Variants in SPIN1 observed in about 807,000 individuals in gnomAD.
SPIN1 encodes the protein spindlin-1.
In SPIN1, 3 loss-of-function variants were observed where a neutral mutation model predicts 26.0. That is an observed-to-expected ratio of 0.12 (90% CI 0.05 to 0.30). SPIN1 has a LOEUF of 0.30. SPIN1 is among the 10% of genes least tolerant of loss of function. SPIN1 has a pLI of 1.00. For missense variants in SPIN1, 126 were observed against 333.4 expected (o/e 0.38, Z 4.84); for synonymous variants, 101 against 116.5 (o/e 0.87, Z 0.86).
At chr9:88,420,147 G>A (rs1241112579) in intron 1 of SPIN1, among the ~76,000 whole-genome samples, 22 of 152,220 alleles carry the variant, frequency 1.4e-4, no homozygotes, top group African/African-American at 4.6e-4. Context: ...AGGCCGAGGC[G>A]GGTGGATCAC....
intron 1 of SPIN1, among the ~76,000 whole-genome samples, chr9:88,400,755 G>T (rs1827168173): frequency 6.6e-6 from 1 of 151,790 alleles, no homozygotes; most frequent in African/African-American, 2.4e-5. Context: ...TGAGGCAGGA[G>T]AATCGCTTGA....
intron 1 of SPIN1, among the ~76,000 whole-genome samples, chr9:88,407,135 TAAAAA>T (rs397893590): frequency 8.1e-6 from 1 of 122,754 alleles, no homozygotes; most frequent in African/African-American, 3.2e-5. Context: ...GATCTTCCTT[TAAAAA>T]AAAAAAAAAA....
At chr9:88,448,138 G>A (rs1325804262) in intron 2 of SPIN1, among the ~76,000 whole-genome samples, 1 of 151,756 alleles carries the variant, frequency 6.6e-6, no homozygotes, top group Non-Finnish European at 1.5e-5. Flanking sequence ...CCACCTCCTG[G>A]GTTTAAGCGA....
At chr9:88,412,332 A>G (rs775100163) in intron 1 of SPIN1, among the ~76,000 whole-genome samples, 1 of 152,150 alleles carries the variant, frequency 6.6e-6, no homozygotes, top group Non-Finnish European at 1.5e-5. Context: ...CTGGTTTCTG[A>G]TAGTTTTTAC....
At chr9:88,411,998 C>G (rs546891378) in intron 1 of SPIN1, among the ~76,000 whole-genome samples, 1 of 150,128 alleles carries the variant, frequency 6.7e-6, no homozygotes, top group Non-Finnish European at 1.5e-5. Context: ...GGTGAAACCC[C>G]GTCTCTACTA....
intron 1 of SPIN1, among the ~76,000 whole-genome samples, chr9:88,421,449 A>C (rs554009572): frequency 1.3e-5 from 2 of 151,904 alleles, no homozygotes; most frequent in Non-Finnish European, 2.9e-5. Flanking sequence ...AGCTGGTACT[A>C]CAGATGTGCA....
Position 88,475,410 on chromosome 9 carries a change from G to A in SPIN1, c.*133G>A. On this transcript the variant is annotated 3_prime_UTR_variant, in exon 6 of 6. Coordinates refer to ENST00000375859, the MANE Select transcript of SPIN1 (RefSeq NM_006717.3). The stretch of plus-strand genomic sequence containing the variant: ...ACCCACAATCTCTGCCAGCAGAACT[G>A]GTTTTGTTCTGAATAGTACAGATTG... 1.1e-6 allele frequency: 1 copy of A among 906,970 alleles called. No individual in the cohort carries two copies. Among genetic ancestry groups the A allele is most frequent in the South Asian group, 1.7e-5 (1 of 58,168 alleles). 56.2% of individuals were successfully genotyped at this position (906,970 alleles called of 1,614,324 possible).
intron 3 of SPIN1, among the ~76,000 whole-genome samples, chr9:88,455,805 C>G (rs1828458378): frequency 6.6e-6 from 1 of 152,124 alleles, no homozygotes; most frequent in African/African-American, 2.4e-5. Flanking sequence ...TAGTGAGACC[C>G]TGTCTGTACA....
At chr9:88,389,329 G>T (rs548742197) in intron 1 of SPIN1, 11 of 152,354 alleles carry the variant, frequency 7.2e-5, no homozygotes, top group African/African-American at 2.6e-4. Flanking sequence ...CGAATTGTGC[G>T]ATGCGGGAAC....
chr9:88,449,848 A>G (rs1041607574), intron 3 of SPIN1, among the ~76,000 whole-genome samples: 1 of 152,052 alleles, frequency 6.6e-6, no homozygotes. Context: ...TTTTCCCCCA[A>G]AATATTTATA....
intron 1 of SPIN1, among the ~76,000 whole-genome samples, chr9:88,408,544 T>G (rs1041939750): frequency 4.6e-5 from 7 of 151,588 alleles, no homozygotes; most frequent in African/African-American, 1.7e-4. Context: ...GCCTCATTCA[T>G]TTTTGTATTT....
intron 1 of SPIN1, among the ~76,000 whole-genome samples, chr9:88,403,668 C>T (rs1412008912): frequency 6.6e-6 from 1 of 152,146 alleles, no homozygotes; most frequent in Admixed American, 6.6e-5. Context: ...GAACCCTGAT[C>T]ATACCGCTGC....
chr9:88,414,022 T>G (rs1188565189), intron 1 of SPIN1, among the ~76,000 whole-genome samples: 3 of 131,488 alleles, frequency 2.3e-5, no homozygotes, highest in Non-Finnish European at 3.0e-5. Context: ...ACTTATAGTT[T>G]ATTATAGCAA....
At chr9:88,427,308 T>C (rs1303444980) in intron 2 of SPIN1, among the ~76,000 whole-genome samples, 1 of 152,302 alleles carries the variant, frequency 6.6e-6, no homozygotes, top group East Asian at 1.9e-4. Context: ...CAATTTCTTC[T>C]ATTTATTTAC....
intron 2 of SPIN1, among the ~76,000 whole-genome samples, chr9:88,438,736 A>C (rs1587799095): frequency 6.6e-6 from 1 of 152,220 alleles, no homozygotes; most frequent in African/African-American, 2.4e-5. Context: ...CCTAATATCC[A>C]AAATACTTCA....
Position 88,398,575 on chromosome 9 carries a change from CTTTTA to C in SPIN1, c.-159+10041_-159+10045del, listed in dbSNP as rs918288490. On this transcript the variant is annotated intron_variant, in intron 1 of 5. Transcript: ENST00000375859. ...TGATTATTAAGTAACAATTTGTTGA[CTTTTA>C]TTTATTTATTTTGAGACAGAGTTTC... Among the ~76,000 whole-genome samples, 9 of 151,934 alleles carry C rather than the reference CTTTTA, an allele frequency of 5.9e-5. 1 individual carries two copies. The highest frequency in any genetic ancestry group is 1.7e-4 in the African/African-American group (7 of 41,404).
At chr9:88,411,448 C>T (rs1331670703) in intron 1 of SPIN1, 1 of 1,444,900 alleles carries the variant, frequency 6.9e-7, no homozygotes, top group Admixed American at 1.8e-5. Context: ...CTTTAGGAGA[C>T]TTGTGACTTA....
At chr9:88,408,008 C>T (rs11142286) in intron 1 of SPIN1, among the ~76,000 whole-genome samples, 2,618 of 151,994 alleles carry the variant, frequency 0.017, 73 homozygotes, top group African/African-American at 0.06. Context: ...CTCAAGGGAT[C>T]TGCCTGCCTC....
At chr9:88,407,385 T>TC (rs1165051639) in intron 1 of SPIN1, among the ~76,000 whole-genome samples, 1 of 151,920 alleles carries the variant, frequency 6.6e-6, no homozygotes, top group African/African-American at 2.4e-5. Flanking sequence ...TCCCTAGTGA[T>TC]CCATCTGCTT....
Sources: allele counts gnomAD v4.1 joint callset (sites outside exome capture counted in the v4.1 genomes callset), GRCh38; gene constraint gnomAD v4.1.1; transcripts MANE v1.5; gene names NCBI Gene and HGNC (gene_info 2026-07-23, HGNC 2026-07-21).